Variants in CLEC12A observed in about 807,000 individuals in gnomAD.
The protein encoded by CLEC12A is C-type lectin protein CLL-1.
In CLEC12A, 22 loss-of-function variants were observed where a neutral mutation model predicts 26.5. The ratio of observed to expected loss-of-function variants is 0.83; its 90% CI spans 0.59 to 1.19. The LOEUF is 1.19. Ranked by LOEUF, CLEC12A falls within the 50% of genes most tolerant of loss-of-function variation. The pLI is 0.00. For synonymous variants in CLEC12A, 119 were observed against 101.9 expected (o/e 1.17, Z -1.01); for missense variants, 353 against 315.6 (o/e 1.12, Z -0.90).
downstream of CLEC12A, among the ~76,000 whole-genome samples, chr12:9,990,231 G>T (rs997059518): frequency 3.9e-5 from 6 of 152,040 alleles, no homozygotes; most frequent in Non-Finnish European, 2.9e-5. Context: ...ACATCATAAG[G>T]CTATAACTCC....
chr12:9,997,470 G>C (rs584856), downstream of CLEC12A, among the ~76,000 whole-genome samples: 27 of 151,762 alleles, frequency 1.8e-4, no homozygotes, highest in East Asian at 1.9e-4. Flanking sequence ...CAGAACTGAC[G>C]CCTGAGGGTT....
chr12:9,999,915 C>T (rs1414875009), downstream of CLEC12A, among the ~76,000 whole-genome samples: 1 of 152,144 alleles, frequency 6.6e-6, no homozygotes, highest in East Asian at 1.9e-4. Context: ...GTTCCTAGCA[C>T]CTTTTCATCA....
chr12:9,985,586 G>T lies in CLEC12A; in HGVS notation c.*560G>T. On this transcript the variant is annotated 3_prime_UTR_variant, in exon 6 of 6. Transcript: ENST00000304361. ...TAAGTAAAAGCCAATAAACAAAAACGAAAAGGCAAGTTACGAGACTGACTT... is the reference window on the plus strand; with the variant it reads ...TAAGTAAAAGCCAATAAACAAAAACTAAAAGGCAAGTTACGAGACTGACTT... 1 of 397,852 alleles carries T rather than the reference G, an allele frequency of 2.5e-6. No homozygotes were observed. The highest frequency in any genetic ancestry group is 1.3e-4 in the South Asian group (1 of 7,794). The allele number at this position is 397,852 out of a possible 1,614,324, so 24.6% of individuals were successfully genotyped here.
chr12:9,972,058 GTGTTT>G (rs1565554606), intron 1 of CLEC12A, among the ~76,000 whole-genome samples: 7 of 33,296 alleles, frequency 2.1e-4, no homozygotes, highest in Non-Finnish European at 4.3e-4. Flanking sequence ...GTGTGTGTGT[GTGTTT>G]TTTTTTTTAT....
chr12:9,998,266 CAG>C, downstream of CLEC12A: 1 of 1,604,334 alleles, frequency 6.2e-7, no homozygotes, highest in Non-Finnish European at 8.5e-7. Flanking sequence ...AAATTTCTGG[CAG>C]AGTCAACACT....
intron 4 of CLEC12A, chr12:9,992,884 A>G: frequency 2.7e-6 from 1 of 363,990 alleles, no homozygotes. Context: ...TACCATGTTC[A>G]GGTAATTAGA....
chr12:9,953,559 G>T (rs1447739972), intron 1 of CLEC12A, among the ~76,000 whole-genome samples: 5 of 151,472 alleles, frequency 3.3e-5, no homozygotes, highest in Admixed American at 2.0e-4. Context: ...CCTCTGCCTG[G>T]CCAGCCGCCC....
chr12:9,987,215 G>C (rs1317434508), downstream of CLEC12A, among the ~76,000 whole-genome samples: 2 of 152,156 alleles, frequency 1.3e-5, no homozygotes, highest in South Asian at 2.1e-4. Flanking sequence ...CTAGGAAAGA[G>C]GCCCCCTACT....
upstream of CLEC12A, among the ~76,000 whole-genome samples, chr12:9,967,756 G>T (rs895730466): frequency 6.6e-6 from 1 of 151,946 alleles, no homozygotes; most frequent in African/African-American, 2.4e-5. Flanking sequence ...CCCCAGAAAA[G>T]CAGAGAAGGA....
At chr12:9,964,144 G>A (rs1027672183) in intron 1 of CLEC12A, among the ~76,000 whole-genome samples, 7 of 152,242 alleles carry the variant, frequency 4.6e-5, no homozygotes, top group African/African-American at 1.7e-4. Context: ...CAAGGAGAAA[G>A]GTTTTTTAAG....
upstream of CLEC12A, among the ~76,000 whole-genome samples, chr12:9,969,539 A>G (rs570432099): frequency 6.6e-6 from 1 of 152,330 alleles, no homozygotes; most frequent in South Asian, 2.1e-4. Flanking sequence ...TTTCAACAAA[A>G]TAGAGTACCT....
At position 9,954,072 on chromosome 12, in the gene CLEC12A, C is replaced by T. The variant is rs1279156639; in HGVS notation, c.10+2716C>T. On this transcript the variant is annotated intron_variant, in intron 1 of 6. Transcript: ENST00000355690. ...CAAGTAATCAGGGACACAAACACTG[C>T]GGAAGGCCGCAGGGTCCTCTGCCTA... 4.0e-5 allele frequency among the ~76,000 whole-genome samples: 6 copies of T among 148,338 alleles called. No individual in the cohort carries two copies. In the East Asian group the frequency reaches 5.9e-4, roughly 15 times the overall value.
At chr12:9,986,613 C>A (rs1313571130), downstream of CLEC12A, among the ~76,000 whole-genome samples, 2 of 152,140 alleles carry the variant, frequency 1.3e-5, no homozygotes, top group African/African-American at 4.8e-5. Context: ...GAGTTCAAGA[C>A]CAGACTGGCT....
Position 9,995,225 on chromosome 12 carries a change from G to C in CLEC12A, n.1212G>C, listed in dbSNP as rs753621542. 14 of 1,612,770 alleles carry C rather than the reference G, an allele frequency of 8.7e-6. No individual in the cohort carries two copies. The South Asian group carries it at 1.4e-4, about 16-fold the overall frequency. On this transcript the variant is annotated non_coding_transcript_exon_variant, in exon 5 of 5. Coordinates refer to the CLEC12A transcript ENST00000449959. The stretch of plus-strand genomic sequence containing the variant: ...GATAATCCGACCCAACGAATTAAAT[G>C]AGTCCTGGCTTTGATGTACTCCTAT...
chr12:9,995,523 G>A (rs1865022537), exon 5 of CLEC12A: 1 of 382,650 alleles, frequency 2.6e-6, no homozygotes, highest in Middle Eastern at 8.4e-4. Flanking sequence ...AACCAGTTGA[G>A]GATTATACTC....
At chr12:9,979,292 T>G (rs1864457166) in intron 2 of CLEC12A, 44 bp from the exon 3 acceptor site, 2 of 1,378,094 alleles carry the variant, frequency 1.5e-6, no homozygotes, top group African/African-American at 1.5e-5. Flanking sequence ...GGATGATGGC[T>G]CTATTGAGAA....
At chr12:9,980,489 A>T in intron 3 of CLEC12A, 93 bp from the exon 4 acceptor site, 1 of 1,243,658 alleles carries the variant, frequency 8.0e-7, no homozygotes, top group Non-Finnish European at 1.1e-6. Context: ...AATAAACAGC[A>T]AATGTGATCA....
chr12:10,002,683 C>T, the CLEC12A span, among the ~76,000 whole-genome samples: 1 of 152,056 alleles, frequency 6.6e-6, no homozygotes, highest in African/African-American at 2.4e-5. Context: ...ACCTCGTGAT[C>T]CGCCCGCCTC....
intron 1 of CLEC12A, among the ~76,000 whole-genome samples, chr12:9,965,410 C>G (rs113177067): frequency 0.33 from 48,990 of 150,698 alleles, 8,665 homozygotes; most frequent in East Asian, 0.46. Flanking sequence ...TTGGGCTTGA[C>G]TGAAGTAATG....
Sources: allele counts gnomAD v4.1 joint callset (sites outside exome capture counted in the v4.1 genomes callset), GRCh38; gene constraint gnomAD v4.1.1; transcripts MANE v1.5; gene names NCBI Gene and HGNC (gene_info 2026-07-23, HGNC 2026-07-21).